Variants in DSCAML1 observed in about 807,000 individuals in gnomAD.
DSCAML1 encodes the protein cell adhesion molecule DSCAML1.
In DSCAML1, 38 loss-of-function variants were observed where a neutral mutation model predicts 200.5. That is an observed-to-expected ratio of 0.19 (90% CI 0.15 to 0.25). The LOEUF (loss-of-function observed/expected upper bound fraction) is 0.25, where lower values mean the gene tolerates loss of function less well. Ranked by LOEUF, DSCAML1 falls within the 10% of genes least tolerant of loss-of-function variation. DSCAML1 has a pLI of 1.00. For synonymous variants in DSCAML1, 1,215 were observed against 1,165.0 expected (o/e 1.04, Z -0.87); for missense variants, 2,223 against 2,858.8 (o/e 0.78, Z 5.07).
At chr11:117,686,645 G>A (rs746734679) in intron 3 of DSCAML1, among the ~76,000 whole-genome samples, 4 of 152,210 alleles carry the variant, frequency 2.6e-5, no homozygotes, top group African/African-American at 9.6e-5. Flanking sequence ...GCACCTTCAA[G>A]AGTCCTTTCC....
intron 3 of DSCAML1, among the ~76,000 whole-genome samples, chr11:117,763,140 G>A (rs1319273931): frequency 6.6e-6 from 1 of 152,132 alleles, no homozygotes; most frequent in Non-Finnish European, 1.5e-5. Context: ...AGACAGGAGT[G>A]TGGGGTATGT....
At chr11:117,558,166 G>C (rs1446104578) in intron 3 of DSCAML1, among the ~76,000 whole-genome samples, 1 of 152,094 alleles carries the variant, frequency 6.6e-6, no homozygotes, top group East Asian at 1.9e-4. Context: ...TGCCATAGAG[G>C]CAACAAAAGA....
intron 17 of DSCAML1, among the ~76,000 whole-genome samples, chr11:117,462,207 C>T (rs2048494683): frequency 6.6e-6 from 1 of 152,238 alleles, no homozygotes. Context: ...TAAAGCTTCG[C>T]TCGTGCCCTT....
rs60791752 is a variant in DSCAML1, at chr11:117,635,075, G to A, written c.512-102553C>T. Among the ~76,000 whole-genome samples the A allele has an allele frequency of 2.8e-3, 427 of 152,328 alleles. 4 individuals are homozygous for A. The highest frequency in any genetic ancestry group is 9.7e-3 in the African/African-American group (402 of 41,574). On this transcript the variant is annotated intron_variant, in intron 3 of 32. Coordinates refer to ENST00000651296, the MANE Select transcript of DSCAML1 (RefSeq NM_020693.4). ...ACAACAGTCAGCAAATCGCCCTTTC[G>A]GGGGCTGATTAAAGATGGATGCGCA...
intron 3 of DSCAML1, among the ~76,000 whole-genome samples, chr11:117,540,692 G>A (rs997752215): frequency 6.6e-6 from 1 of 151,920 alleles, no homozygotes; most frequent in Non-Finnish European, 1.5e-5. Context: ...GGCCTGTCGG[G>A]GGATGAGGGG....
chr11:117,600,399 C>G (rs925136511), intron 3 of DSCAML1, among the ~76,000 whole-genome samples: 4 of 152,212 alleles, frequency 2.6e-5, no homozygotes, highest in Non-Finnish European at 5.9e-5. Context: ...GTTGTAGAGC[C>G]GAATCTCACT....
At chr11:117,746,049 C>A (rs1347471930) in intron 3 of DSCAML1, among the ~76,000 whole-genome samples, 4 of 148,954 alleles carry the variant, frequency 2.7e-5, no homozygotes, top group African/African-American at 1.0e-4. Context: ...CCTGTCTCTA[C>A]TAAAAAAAAA....
intron 6 of DSCAML1, among the ~76,000 whole-genome samples, chr11:117,520,577 C>T (rs1317050199): frequency 1.3e-5 from 2 of 151,048 alleles, no homozygotes; most frequent in Non-Finnish European, 2.9e-5. Context: ...TGAACTCGGA[C>T]AAGTGACCAA....
chr11:117,527,618 G>A (rs983416412), intron 4 of DSCAML1, among the ~76,000 whole-genome samples: 1 of 152,202 alleles, frequency 6.6e-6, no homozygotes, highest in African/African-American at 2.4e-5. Context: ...ACAGGGACCT[G>A]CCTGGGATCA....
intron 14 of DSCAML1, among the ~76,000 whole-genome samples, chr11:117,474,473 A>T (rs2048748798): frequency 6.6e-6 from 1 of 151,734 alleles, no homozygotes; most frequent in African/African-American, 2.4e-5. Context: ...TTCTATTTTC[A>T]TCTCTGCGCA....
chr11:117,591,798 G>A (rs2051264342), intron 3 of DSCAML1, among the ~76,000 whole-genome samples: 1 of 152,060 alleles, frequency 6.6e-6, no homozygotes, highest in African/African-American at 2.4e-5. Flanking sequence ...CACTTGCCAG[G>A]GATGCAGCTT....
chr11:117,492,158 A>G (rs1592660690), intron 11 of DSCAML1, among the ~76,000 whole-genome samples: 1 of 152,084 alleles, frequency 6.6e-6, no homozygotes, highest in Non-Finnish European at 1.5e-5. Flanking sequence ...TTGGAGAAGA[A>G]CCCCAGGGCT....
chr11:117,802,593 T>G (rs2055671768), intron 1 of DSCAML1, among the ~76,000 whole-genome samples: 1 of 152,204 alleles, frequency 6.6e-6, no homozygotes, highest in Non-Finnish European at 1.5e-5. Flanking sequence ...AGCTTGAAAG[T>G]TCTCGTATTG....
intron 3 of DSCAML1, among the ~76,000 whole-genome samples, chr11:117,536,756 T>G (rs1429376124): frequency 1.3e-5 from 2 of 152,180 alleles, no homozygotes; most frequent in Non-Finnish European, 2.9e-5. Flanking sequence ...AAGGCTGTGG[T>G]ATCATCTATC....
chr11:117,658,050 T>C (rs1453935329), intron 3 of DSCAML1, among the ~76,000 whole-genome samples: 1 of 152,132 alleles, frequency 6.6e-6, no homozygotes, highest in African/African-American at 2.4e-5. Flanking sequence ...ATGAGATGAC[T>C]ACTTGAGAAC....
chr11:117,794,869 A>G (rs2055541116), intron 1 of DSCAML1, among the ~76,000 whole-genome samples: 1 of 152,086 alleles, frequency 6.6e-6, no homozygotes, highest in Non-Finnish European at 1.5e-5. Flanking sequence ...CCTGGCGCCC[A>G]ACAGACAGAC....
chr11:117,775,383 T>C (rs2055111787), intron 3 of DSCAML1, among the ~76,000 whole-genome samples: 1 of 152,188 alleles, frequency 6.6e-6, no homozygotes, highest in Non-Finnish European at 1.5e-5. Context: ...CTTTGTTCCT[T>C]GCCCTCAGAG....
At chr11:117,493,824 C>T (rs752689279) in intron 11 of DSCAML1, among the ~76,000 whole-genome samples, 6 of 152,054 alleles carry the variant, frequency 3.9e-5, no homozygotes, top group Admixed American at 2.0e-4. Context: ...GATGGGATTT[C>T]GCCCGATTGC....
chr11:117,632,172 A>G (rs1188259774), intron 3 of DSCAML1, among the ~76,000 whole-genome samples: 2 of 152,236 alleles, frequency 1.3e-5, no homozygotes, highest in Admixed American at 1.3e-4. Context: ...GTTAGGAGAG[A>G]CATCAGCAGT....
Sources: gnomAD v4.1 joint callset for allele counts (sites outside exome capture counted in the v4.1 genomes callset) on GRCh38, gnomAD v4.1.1 for gene constraint, MANE v1.5 for transcripts, NCBI Gene and HGNC (gene_info 2026-07-23, HGNC 2026-07-21) for gene names.